KAZN: variants seen among roughly 807,000 people sequenced by gnomAD.
KAZN encodes kazrin.
Under a neutral mutation model 87.4 loss-of-function variants are expected in KAZN, and 40 were observed. That is an observed-to-expected ratio of 0.46 (90% confidence interval 0.36 to 0.60). The LOEUF is 0.60. KAZN is among the 20% of genes least tolerant of loss of function. The probability of loss-of-function intolerance (pLI) is 0.00; values close to 1 mark genes in which losing one functional copy is unlikely to be tolerated. For missense variants in KAZN, 898 were observed against 1,073.9 expected, an observed-to-expected ratio of 0.84 and a Z score of 2.29; for synonymous variants, 466 against 458.3, an observed-to-expected ratio of 1.02 and a Z score of -0.22.
chr1:15,026,546 C>T (rs112786610), intron 2 of KAZN, among the ~76,000 whole-genome samples: 2,476 of 152,184 alleles, frequency 0.016, 63 homozygotes, highest in African/African-American at 0.056. Flanking sequence ...GGGACCCCCA[C>T]CCCCAACTCT....
At chr1:14,255,023 A>G (rs1476944183) in intron 2 of KAZN, among the ~76,000 whole-genome samples, 1 of 148,466 alleles carries the variant, frequency 6.7e-6, no homozygotes, top group Non-Finnish European at 1.5e-5. Flanking sequence ...CAGGAGGCTG[A>G]GGCAGGAGAA....
At chr1:14,498,186 G>C (rs773451203) in intron 2 of KAZN, among the ~76,000 whole-genome samples, 2 of 152,152 alleles carry the variant, frequency 1.3e-5, no homozygotes, top group African/African-American at 4.8e-5. Context: ...AAAATCCATG[G>C]CTCGTCAGTG....
intron 2 of KAZN, among the ~76,000 whole-genome samples, chr1:14,530,942 G>C (rs1672175750): frequency 6.6e-6 from 1 of 152,072 alleles, no homozygotes; most frequent in African/African-American, 2.4e-5. Context: ...GCATAGTGCT[G>C]TGCACCTGTA....
chr1:14,370,992 C>A (rs377634396), intron 2 of KAZN, among the ~76,000 whole-genome samples: 1 of 152,126 alleles, frequency 6.6e-6, no homozygotes, highest in East Asian at 1.9e-4. Flanking sequence ...GCCCCCAGCT[C>A]GTATCTTCTA....
intron 1 of KAZN, among the ~76,000 whole-genome samples, chr1:14,798,930 A>ATTTG (rs113713152): frequency 1.9e-4 from 29 of 151,736 alleles, no homozygotes; most frequent in South Asian, 4.2e-4. Context: ...CCAGCCAATT[A>ATTTG]TTTGTTTGTT....
intron 2 of KAZN, among the ~76,000 whole-genome samples, chr1:14,287,647 C>T (rs958829098): frequency 3.9e-5 from 6 of 152,186 alleles, no homozygotes; most frequent in African/African-American, 9.7e-5. Flanking sequence ...TTGACTTCCT[C>T]CTCTCCTAAT....
At chr1:14,852,925 A>G (rs1373201491) in intron 1 of KAZN, among the ~76,000 whole-genome samples, 1 of 152,160 alleles carries the variant, frequency 6.6e-6, no homozygotes, top group Non-Finnish European at 1.5e-5. Flanking sequence ...CTGTGCTTTA[A>G]CCAGATCCTC....
intron 1 of KAZN, among the ~76,000 whole-genome samples, chr1:14,931,142 A>G (rs1327270348): frequency 6.6e-6 from 1 of 152,050 alleles, no homozygotes; most frequent in African/African-American, 2.4e-5. Context: ...GAAACCTTAG[A>G]AAAGGTATGG....
intron 2 of KAZN, among the ~76,000 whole-genome samples, chr1:14,494,897 T>C (rs1669860001): frequency 6.6e-6 from 1 of 152,106 alleles, no homozygotes; most frequent in African/African-American, 2.4e-5. Context: ...CTGGGTGATG[T>C]GGGGAGGTAG....
chr1:14,185,730 C>A (rs974173780), intron 2 of KAZN, among the ~76,000 whole-genome samples: 2 of 152,140 alleles, frequency 1.3e-5, no homozygotes. Context: ...CCTTCAGTTA[C>A]GGAACTTCTG....
intron 1 of KAZN, among the ~76,000 whole-genome samples, chr1:14,821,880 C>G (rs919114477): frequency 1.3e-5 from 2 of 152,152 alleles, no homozygotes; most frequent in Admixed American, 1.3e-4. Flanking sequence ...CTCCAAGGAG[C>G]AGAGTCCCGT....
At chr1:14,806,366 T>C (rs1269736110) in intron 1 of KAZN, among the ~76,000 whole-genome samples, 2 of 152,252 alleles carry the variant, frequency 1.3e-5, no homozygotes, top group African/African-American at 4.8e-5. Context: ...TTCATTTTTT[T>C]GACATTCAAT....
chr1:14,221,439 A>G (rs1039050520), intron 2 of KAZN, among the ~76,000 whole-genome samples: 4 of 152,248 alleles, frequency 2.6e-5, no homozygotes, highest in African/African-American at 4.8e-5. Context: ...ATCACGATCC[A>G]TGTAGATTGT....
At chr1:13,907,502 T>G (rs2100856932) in intron 1 of KAZN, among the ~76,000 whole-genome samples, 1 of 148,844 alleles carries the variant, frequency 6.7e-6, no homozygotes, top group South Asian at 2.2e-4. Flanking sequence ...AGGCTGTGTG[T>G]GTGTGTGTTG....
At chr1:14,662,964 C>CACATATAT (rs368049334) in intron 1 of KAZN, among the ~76,000 whole-genome samples, 65 of 127,960 alleles carry the variant, frequency 5.1e-4, no homozygotes, top group African/African-American at 1.7e-3. Flanking sequence ...TATATGCACA[C>CACATATAT]ATATATATAT....
intron 2 of KAZN, among the ~76,000 whole-genome samples, chr1:14,384,132 AT>A (rs1557679493): frequency 6.6e-6 from 1 of 150,788 alleles, no homozygotes; most frequent in African/African-American, 2.4e-5. Flanking sequence ...TTATTGGTGT[AT>A]AAGAATGCTT....
intron 2 of KAZN, among the ~76,000 whole-genome samples, chr1:14,318,279 A>G (rs1314708085): frequency 6.6e-6 from 1 of 152,140 alleles, no homozygotes; most frequent in Non-Finnish European, 1.5e-5. Context: ...TTGTATGTCT[A>G]GAAAAGTATT....
At chr1:14,719,875 A>C (rs1208702987) in intron 1 of KAZN, among the ~76,000 whole-genome samples, 1 of 152,230 alleles carries the variant, frequency 6.6e-6, no homozygotes, top group Non-Finnish European at 1.5e-5. Context: ...AGAAACATGC[A>C]GGTGCTGGGA....
intron 1 of KAZN, among the ~76,000 whole-genome samples, chr1:14,104,021 G>T (rs1644316144): frequency 6.6e-6 from 1 of 152,218 alleles, no homozygotes; most frequent in Non-Finnish European, 1.5e-5. Context: ...AGGGATGCCT[G>T]TGGAGGGTGT....
Sources: allele counts gnomAD v4.1 joint callset (sites outside exome capture counted in the v4.1 genomes callset), GRCh38; gene constraint gnomAD v4.1.1; transcripts MANE v1.5; gene names NCBI Gene and HGNC (gene_info 2026-07-23, HGNC 2026-07-21).